AKT1: variants seen among roughly 807,000 people sequenced by gnomAD.
AKT1 encodes the protein RAC-alpha serine/threonine-protein kinase.
In AKT1, 21 loss-of-function variants were observed where a neutral mutation model predicts 63.1. The observed-to-expected ratio is 0.33, with a 90% CI of 0.24 to 0.48. The LOEUF (loss-of-function observed/expected upper bound fraction) is 0.48. Ranked by LOEUF, AKT1 falls within the 20% of genes least tolerant of loss-of-function variation. The pLI, the probability that AKT1 is intolerant of heterozygous loss-of-function variation, is 0.99. For synonymous variants in AKT1, 257 were observed against 253.1 expected (o/e 1.02, Z -0.15); for missense variants, 382 against 666.0 (o/e 0.57, Z 4.69).
chr14:104,787,296 G>A (rs1893382477), intron 3 of AKT1, among the ~76,000 whole-genome samples: 1 of 152,168 alleles, frequency 6.6e-6, no homozygotes, highest in Non-Finnish European at 1.5e-5. Context: ...CCCCATCCTG[G>A]CCTGGAGCCC....
chr14:104,775,984 G>C (rs1892680836), intron 5 of AKT1, 185 bp from the exon 6 acceptor site: 4 of 649,000 alleles, frequency 6.2e-6, no homozygotes, highest in Non-Finnish European at 1.0e-5. Flanking sequence ...AGCCCTCTTG[G>C]ACGTGGGGGA....
At chr14:104,787,697 C>T (rs1159895709) in intron 3 of AKT1, among the ~76,000 whole-genome samples, 1 of 152,228 alleles carries the variant, frequency 6.6e-6, no homozygotes, top group Non-Finnish European at 1.5e-5. Context: ...ACATTCTGTC[C>T]ACTCTCCTGG....
intron 3 of AKT1, among the ~76,000 whole-genome samples, chr14:104,788,853 G>A (rs1403733676): frequency 1.3e-5 from 2 of 152,188 alleles, no homozygotes; most frequent in African/African-American, 4.8e-5. Context: ...GGGGGTCTAT[G>A]CCAGGCATGG....
intron 3 of AKT1, among the ~76,000 whole-genome samples, chr14:104,780,803 G>T (rs1358835841): frequency 6.6e-6 from 1 of 151,664 alleles, no homozygotes; most frequent in Non-Finnish European, 1.5e-5. Context: ...GGCCGGGCTC[G>T]CGGGACAGGA....
chr14:104,793,923 G>A (rs761828731), intron 1 of AKT1: 4 of 152,246 alleles, frequency 2.6e-5, no homozygotes, highest in Non-Finnish European at 5.9e-5. Flanking sequence ...CGACCTCTGT[G>A]GAATGGATCC....
At chr14:104,781,380 C>T (rs1281931651) in intron 3 of AKT1, among the ~76,000 whole-genome samples, 2 of 152,168 alleles carry the variant, frequency 1.3e-5, no homozygotes, top group African/African-American at 4.8e-5. Flanking sequence ...CCACCCACCA[C>T]CCAGTCCTGC....
intron 11 of AKT1, 47 bp downstream of exon 11, chr14:104,773,204 G>T: frequency 6.2e-7 from 1 of 1,613,350 alleles, no homozygotes; most frequent in Non-Finnish European, 8.5e-7. Flanking sequence ...CGTGTGCTCA[G>T]GACGTGGGGA....
intron 4 of AKT1, 56 bp downstream of exon 4, chr14:104,780,030 AAG>A (rs1892945465): frequency 1.3e-6 from 2 of 1,590,646 alleles, no homozygotes; most frequent in Non-Finnish European, 1.7e-6. Context: ...CTGGTGGGCA[AAG>A]AGGGCTCCAG....
intron 3 of AKT1, among the ~76,000 whole-genome samples, chr14:104,787,670 C>T (rs548710114): frequency 5.3e-5 from 8 of 152,364 alleles, no homozygotes; most frequent in African/African-American, 1.4e-4. Flanking sequence ...GGCCCCAGCA[C>T]AGGAATCATT....
In AKT1 at chr14:104,772,307, G is replaced by A. The variant is rs921864039; in HGVS notation, c.1260+58C>T. 3.6e-4 allele frequency: 560 copies of A among 1,569,756 alleles called. 1 individual carries two copies. The highest frequency in any genetic ancestry group is 4.5e-4 in the Non-Finnish European group (513 of 1,140,484). ...TCTGGCGAGCGTGCCACGTGCATGC[G>A]TGAGTGTGGATATGTGGGGAGCATG... On this transcript the variant is annotated intron_variant, in intron 13 of 14. Transcript: ENST00000649815.
chr14:104,775,831 T>C (rs2140923295), intron 5 of AKT1, 32 bp from the exon 6 acceptor site: 1 of 1,608,438 alleles, frequency 6.2e-7, no homozygotes. Context: ...TGCAGGCCTG[T>C]ACCAGATCAG....
chr14:104,783,151 C>T (rs933762437), intron 3 of AKT1, among the ~76,000 whole-genome samples: 1 of 152,122 alleles, frequency 6.6e-6, no homozygotes, highest in African/African-American at 2.4e-5. Context: ...AGCACAGACA[C>T]ATCAGCCAGG....
Position 104,792,697 on chromosome 14 carries a change from G to A in AKT1, c.-54C>T, listed in dbSNP as rs753859473. The A allele has an allele frequency of 2.5e-5, 40 of 1,594,950 alleles. No homozygotes were observed. Among genetic ancestry groups the A allele is most frequent in the Admixed American group, 3.3e-5 (2 of 59,972 alleles). On this transcript the variant is annotated 5_prime_UTR_variant, in exon 3 of 15. Transcript: ENST00000649815. ...CGCTCCTCTCAGGCTGGCGCTCCCC[G>A]AGCCCAGCTGGCCTGGCCACAGCCT...
intron 1 of AKT1, chr14:104,794,372 A>C (rs1023503608): frequency 6.6e-6 from 1 of 152,296 alleles, no homozygotes; most frequent in Non-Finnish European, 1.5e-5. Context: ...GTCCAGAGCC[A>C]TGTGTAAAAA....
At chr14:104,773,758 C>T in intron 9 of AKT1, 154 bp downstream of exon 9, 1 of 1,205,978 alleles carries the variant, frequency 8.3e-7, no homozygotes, top group Non-Finnish European at 1.2e-6. Flanking sequence ...AGTCACCCCA[C>T]AGCAGGCAGC....
chr14:104,790,561 G>C (rs1893577711), intron 3 of AKT1, among the ~76,000 whole-genome samples: 1 of 152,210 alleles, frequency 6.6e-6, no homozygotes, highest in Non-Finnish European at 1.5e-5. Flanking sequence ...CGGAGGACAG[G>C]CTTTCCTCCG....
intron 5 of AKT1, 114 bp from the exon 6 acceptor site, chr14:104,775,913 G>T: frequency 3.0e-6 from 4 of 1,349,114 alleles, no homozygotes; most frequent in Non-Finnish European, 4.0e-6. Flanking sequence ...GGGGTTCCCA[G>T]AGACAGCCCT....
chr14:104,782,399 C>T (rs565568114), intron 3 of AKT1, among the ~76,000 whole-genome samples: 11 of 152,302 alleles, frequency 7.2e-5, no homozygotes, highest in African/African-American at 2.6e-4. Context: ...AGCATGGCCC[C>T]GTGCTGCCCC....
rs1060504819 is a variant in AKT1, at chr14:104,773,012, G to A, written c.1038C>T (p.Arg346=). The change falls in exon 12 of 15, where the codon CGC becomes CGT. Residue 346 remains arginine (R), a synonymous_variant. Transcript: ENST00000649815. ...CATGGTCCTGGTTGTAGAAGGGCAG[G>A]CGACCGCACATCATCTCGTACATGA... The part of the protein sequence containing the change: ...GVVMYEMMCG[R]LPFYNQDHEK... The A allele has an allele frequency of 6.2e-7, 1 of 1,614,158 alleles. No homozygotes were observed. The highest frequency in any genetic ancestry group is 8.5e-7 in the Non-Finnish European group (1 of 1,180,012).
Sources: gnomAD v4.1 joint callset for allele counts (sites outside exome capture counted in the v4.1 genomes callset) on GRCh38, gnomAD v4.1.1 for gene constraint, MANE v1.5 for transcripts, NCBI Gene and HGNC (gene_info 2026-07-23, HGNC 2026-07-21) for gene names.